SPATA7: variants seen among roughly 807,000 people sequenced by gnomAD.
SPATA7 encodes spermatogenesis associated 7, also known as spermatogenesis-associated protein 7.
A neutral mutation model predicts 51.8 loss-of-function variants in SPATA7; 43 were observed. That is an observed-to-expected ratio of 0.83 (90% confidence interval 0.65 to 1.07). SPATA7 has a LOEUF of 1.07. Among genes scored for constraint, SPATA7 ranks in the 50% least tolerant of loss-of-function variants. SPATA7 has a pLI of 0.00. For synonymous variants in SPATA7, 230 were observed against 252.8 expected (o/e 0.91, Z 0.86); for missense variants, 683 against 701.3 (o/e 0.97, Z 0.30).
In SPATA7 at chr14:88,416,834, C is replaced by A. The variant is rs1208778878; in HGVS notation, c.362C>A (p.Thr121Asn). The A allele has an allele frequency of 1.9e-6, 3 of 1,593,204 alleles. No individual in the cohort carries two copies. In the South Asian group the frequency reaches 3.3e-5, roughly 18 times the overall value. ...AATAATTCCAAGTCACTTTTTAATA[C>A]CTTACAAAAGGTAAGATAGTATTTT... ...YKNNSKSLFNTLQKPSGEPQI... is the reference protein window; with the variant it reads ...YKNNSKSLFNNLQKPSGEPQI... The change falls in exon 5 of 12, where the codon ACC becomes AAC. Residue 121 changes from threonine (T) to asparagine (N), a missense_variant. Physicochemically the swap from Thr to Asn is moderately conservative, Grantham distance 65. Transcript: ENST00000393545.
At chr14:88,410,120 A>G (rs145674735) in intron 4 of SPATA7, among the ~76,000 whole-genome samples, 5,371 of 152,108 alleles carry the variant, frequency 0.035, 311 homozygotes, top group African/African-American at 0.12. Flanking sequence ...TTGGTCCAGA[A>G]CTGAGTTCAA....
At chr14:88,437,203 TTGTGTGTG>T (rs142237850) in intron 10 of SPATA7, among the ~76,000 whole-genome samples, 1 of 148,534 alleles carries the variant, frequency 6.7e-6, no homozygotes, top group South Asian at 2.1e-4. Flanking sequence ...TAGGGTTTGG[TTGTGTGTG>T]TGTGTGTGTG....
In SPATA7 at chr14:88,429,375, A is replaced by C. The variant is rs751570128; in HGVS notation, c.940A>C (p.Lys314Gln). Residue 314 changes from lysine (K) to glutamine (Q), a missense_variant, in exon 8 of 12, where the codon AAA becomes CAA. Lys to Gln is a moderately conservative substitution (Grantham distance 53). Coordinates refer to ENST00000393545, the MANE Select transcript of SPATA7 (RefSeq NM_018418.5). Reference sequence around the variant, plus strand: ...ATCTAATTGTGTGACATATGATGCCAAAGAAAAAATAGCTCCTTTACCTTT... The same window carrying C: ...ATCTAATTGTGTGACATATGATGCCCAAGAAAAAATAGCTCCTTTACCTTT... ...QASNCVTYDAKEKIAPLPLEG... is the reference protein window; with the variant it reads ...QASNCVTYDAQEKIAPLPLEG... 7.8e-5 allele frequency: 125 copies of C among 1,611,952 alleles called. No homozygotes were observed. Among genetic ancestry groups the C allele is most frequent in the Non-Finnish European group, 1.0e-4 (122 of 1,178,438 alleles).
chr14:88,451,511 A>G (rs1283630616), intron 3 of SPATA7, among the ~76,000 whole-genome samples: 2 of 147,098 alleles, frequency 1.4e-5, no homozygotes, highest in East Asian at 4.0e-4. Flanking sequence ...AGATTTTTCC[A>G]TTCATATCCT....
intron 3 of SPATA7, among the ~76,000 whole-genome samples, chr14:88,446,073 C>T (rs1295396682): frequency 6.6e-6 from 1 of 152,216 alleles, no homozygotes; most frequent in African/African-American, 2.4e-5. Context: ...ACCAGTTCCT[C>T]CTTGTACCTC....
intron 3 of SPATA7, among the ~76,000 whole-genome samples, chr14:88,444,173 A>G (rs1265402756): frequency 6.6e-6 from 1 of 151,872 alleles, no homozygotes; most frequent in Non-Finnish European, 1.5e-5. Flanking sequence ...AATGATCGCC[A>G]TTCTAACTGG....
Position 88,385,749 on chromosome 14 carries a change from C to A in SPATA7, c.-70C>A. The A allele has an allele frequency of 6.7e-7, 1 of 1,486,660 alleles. No individual in the cohort carries two copies. Among genetic ancestry groups the A allele is most frequent in the Non-Finnish European group, 9.3e-7 (1 of 1,079,646 alleles). The allele number at this position is 1,486,660 out of a possible 1,614,324, so 92.1% of individuals were successfully genotyped here. A position where few individuals can be genotyped will look rare whatever the true frequency, so the allele number is the denominator to read the frequency against. ...CTTTTCCAGTCCTCCACTGCCGGGG[C>A]TGGGCCCGGCCGCGGGAAGGACCGA... On this transcript the variant is annotated 5_prime_UTR_variant, in exon 1 of 12. In the 5' UTR this introduces an upstream ATG that the reference lacks. Coordinates refer to ENST00000393545, the MANE Select transcript of SPATA7 (RefSeq NM_018418.5).
intron 3 of SPATA7, among the ~76,000 whole-genome samples, chr14:88,443,531 T>G (rs2077192032): frequency 1.3e-5 from 2 of 152,170 alleles, no homozygotes; most frequent in African/African-American, 4.8e-5. Flanking sequence ...GTGCACAATG[T>G]GCAGGTTAGT....
rs1184803397 is a variant in SPATA7, at chr14:88,438,114, T to G, written c.1492T>G (p.Ser498Ala). 6.2e-7 allele frequency: 1 copy of G among 1,614,012 alleles called. No individual in the cohort carries two copies. The highest frequency in any genetic ancestry group is 1.1e-5 in the South Asian group (1 of 91,032). The change falls in exon 12 of 12, where the codon TCA (serine) becomes GCA (alanine). Residue 498 changes from serine (S) to alanine (A), a missense_variant. Transcript: ENST00000393545. ...TGAATTTTTCATGCCTATTTATAAATCAAAGCATTCAGAAGGGGTTATAAT... is the reference window on the plus strand; with the variant it reads ...TGAATTTTTCATGCCTATTTATAAAGCAAAGCATTCAGAAGGGGTTATAAT... Reference protein sequence around the residue: ...PTEFFMPIYKSKHSEGVIIQQ... With the variant: ...PTEFFMPIYKAKHSEGVIIQQ...
At chr14:88,460,115 G>A (rs1415818680), downstream of SPATA7, among the ~76,000 whole-genome samples, 2 of 152,150 alleles carry the variant, frequency 1.3e-5, no homozygotes, top group African/African-American at 4.8e-5. Context: ...TGGGTAACCC[G>A]ACCTTTCTCT....
intron 7 of SPATA7, chr14:88,429,040 G>C (rs957798656): frequency 1.8e-4 from 40 of 220,334 alleles, no homozygotes; most frequent in African/African-American, 9.4e-4. Flanking sequence ...ATGAGATTTT[G>C]TTCCCTCAAA....
chr14:88,413,710 G>T (rs1254082084), intron 4 of SPATA7, among the ~76,000 whole-genome samples: 2 of 151,224 alleles, frequency 1.3e-5, no homozygotes, highest in Non-Finnish European at 2.9e-5. Context: ...TTATTTTGAG[G>T]TATGTTCTTT....
chr14:88,391,384 GAGCAACCTCTGTCC>G lies in SPATA7; in HGVS notation c.24_37del (p.Arg8SerfsTer11). On this transcript the variant is annotated frameshift_variant, in exon 2 of 12. Coordinates refer to ENST00000393545, the MANE Select transcript of SPATA7 (RefSeq NM_018418.5). LOFTEE classifies it high-confidence loss of function. ...GATTTTTTTTTCTTGTTAAAAGTCAGAGCAACCTCTGTCCTTCCCAGATATGGTCCACCGTGCCT... is the reference window on the plus strand; with the variant it reads ...GATTTTTTTTTCTTGTTAAAAGTCAGTTCCCAGATATGGTCCACCGTGCCT... 6.2e-7 allele frequency: 1 copy of G among 1,612,276 alleles called. No individual in the cohort carries two copies. Among genetic ancestry groups the G allele is most frequent in the Non-Finnish European group, 8.5e-7 (1 of 1,179,152 alleles).
At chr14:88,454,414 A>G (rs1393948818) in intron 3 of SPATA7, among the ~76,000 whole-genome samples, 1 of 152,208 alleles carries the variant, frequency 6.6e-6, no homozygotes, top group Non-Finnish European at 1.5e-5. Context: ...CCCTTTTGCC[A>G]TGTAAAATTT....
chr14:88,415,195 C>A (rs1330733286), intron 4 of SPATA7: 1 of 316,370 alleles, frequency 3.2e-6, no homozygotes, highest in South Asian at 2.9e-5. Context: ...CTGTCTAAAT[C>A]TTTTCATAGG....
chr14:88,460,378 TC>T (rs546583834), intron 4 of SPATA7, among the ~76,000 whole-genome samples: 1 of 148,758 alleles, frequency 6.7e-6, no homozygotes, highest in Non-Finnish European at 1.5e-5. Context: ...TTTCACATAG[TC>T]CCATATTTCT....
chr14:88,415,907 T>C (rs1275431566), intron 4 of SPATA7: 1 of 152,280 alleles, frequency 6.6e-6, no homozygotes, highest in Non-Finnish European at 1.5e-5. Flanking sequence ...CATGAATGGC[T>C]TAGCGCCACC....
At chr14:88,453,302 C>T (rs2140051862) in intron 3 of SPATA7, among the ~76,000 whole-genome samples, 1 of 152,210 alleles carries the variant, frequency 6.6e-6, no homozygotes, top group Non-Finnish European at 1.5e-5. Context: ...TTCAGGTTCC[C>T]CGTGTAGAAA....
intron 4 of SPATA7, among the ~76,000 whole-genome samples, chr14:88,399,741 A>G (rs986264329): frequency 6.6e-6 from 1 of 152,190 alleles, no homozygotes; most frequent in South Asian, 2.1e-4. Context: ...TCTAGAGACA[A>G]TGACAGCCAT....
Sources: allele counts gnomAD v4.1 joint callset (sites outside exome capture counted in the v4.1 genomes callset), GRCh38; gene constraint gnomAD v4.1.1; transcripts MANE v1.5; gene names NCBI Gene and HGNC (gene_info 2026-07-23, HGNC 2026-07-21).